ANO1: variants seen among roughly 807,000 people sequenced by gnomAD.
ANO1 encodes the protein anoctamin 1, also known as anoctamin-1.
ANO1 carries 59 observed loss-of-function variants against 124.0 expected under a neutral mutation model. That is an observed-to-expected ratio of 0.48 (90% CI 0.39 to 0.59). The LOEUF (loss-of-function observed/expected upper bound fraction) is 0.59, where lower values mean the gene tolerates loss of function less well. Ranked by LOEUF, ANO1 falls within the 20% of genes least tolerant of loss-of-function variation. The pLI is 0.00. For synonymous variants in ANO1, 529 were observed against 532.0 expected (o/e 0.99, Z 0.08); for missense variants, 1,059 against 1,328.0 (o/e 0.80, Z 3.15).
intron 10 of ANO1, among the ~76,000 whole-genome samples, chr11:70,127,603 G>A (rs189896537): frequency 1.3e-5 from 2 of 152,312 alleles, no homozygotes; most frequent in East Asian, 3.9e-4. Flanking sequence ...GGCTAAGGTT[G>A]GAGGATCCCT....
At chr11:70,009,272 T>C (rs1338858021) in intron 1 of ANO1, among the ~76,000 whole-genome samples, 1 of 151,972 alleles carries the variant, frequency 6.6e-6, no homozygotes, top group Non-Finnish European at 1.5e-5. Flanking sequence ...AGTCTACGAA[T>C]GTGGTTGTGT....
intron 1 of ANO1, among the ~76,000 whole-genome samples, chr11:70,044,005 C>A (rs543754702): frequency 1.3e-4 from 20 of 152,038 alleles, no homozygotes; most frequent in South Asian, 8.3e-4. Context: ...TATTATAGCA[C>A]TATGACATAC....
At chr11:70,045,651 T>C (rs956216798) in intron 1 of ANO1, among the ~76,000 whole-genome samples, 1 of 152,092 alleles carries the variant, frequency 6.6e-6, no homozygotes, top group African/African-American at 2.4e-5. Context: ...TTTTTTTTTT[T>C]CCGTATCATA....
At chr11:70,027,503 G>A (rs549940684) in intron 1 of ANO1, among the ~76,000 whole-genome samples, 3 of 152,210 alleles carry the variant, frequency 2.0e-5, no homozygotes, top group Non-Finnish European at 4.4e-5. Flanking sequence ...CGGAACTACC[G>A]CAAGCCAGGG....
At chr11:70,178,322 G>A (rs1482202743) in intron 22 of ANO1, among the ~76,000 whole-genome samples, 2 of 152,174 alleles carry the variant, frequency 1.3e-5, no homozygotes, top group African/African-American at 4.8e-5. Context: ...GCTTTATTCA[G>A]CATGGGGTGG....
At chr11:69,986,655 A>G (rs1435841694) in intron 1 of ANO1, among the ~76,000 whole-genome samples, 5 of 150,672 alleles carry the variant, frequency 3.3e-5, no homozygotes, top group Non-Finnish European at 1.5e-5. Flanking sequence ...ATGGAAACTG[A>G]GAGGAACTTA....
chr11:69,970,046 G>T, the ANO1 span, among the ~76,000 whole-genome samples: 1 of 152,194 alleles, frequency 6.6e-6, no homozygotes, highest in Non-Finnish European at 1.5e-5. Context: ...GGGGTTCCCC[G>T]GTGTGAGAGG....
intron 2 of ANO1, among the ~76,000 whole-genome samples, chr11:70,093,762 C>T (rs908597141): frequency 2.6e-5 from 4 of 152,246 alleles, no homozygotes; most frequent in African/African-American, 9.6e-5. Context: ...TTCATGGATG[C>T]TGCTTTTGAA....
chr11:69,977,160 G>A, the ANO1 span, among the ~76,000 whole-genome samples: 1 of 152,264 alleles, frequency 6.6e-6, no homozygotes, highest in South Asian at 2.1e-4. Context: ...AAAGAGGGGG[G>A]GACAGGTGTA....
chr11:70,161,213 T>C lies in ANO1; in HGVS notation c.1631T>C (p.Met544Thr), dbSNP rs751257134. 3.7e-5 allele frequency: 60 copies of C among 1,613,818 alleles called. No individual in the cohort carries two copies. The highest frequency in any genetic ancestry group is 2.2e-4 in the Admixed American group (13 of 60,006). ...GGCGTCATCATCTACAGAATCTCCA[T>C]GGCCGCCGCCTTGGCCATGAACTCC... Reference protein sequence around the residue: ...VLGVIIYRISMAAALAMNSSP... With the variant: ...VLGVIIYRISTAAALAMNSSP... The change falls in exon 17 of 26, where the codon ATG becomes ACG. Residue 544 changes from methionine (M) to threonine (T), a missense_variant. Coordinates refer to ENST00000355303, the MANE Select transcript of ANO1 (RefSeq NM_018043.7).
chr11:70,084,910 C>T (rs1162652277), intron 1 of ANO1, among the ~76,000 whole-genome samples: 2 of 152,190 alleles, frequency 1.3e-5, no homozygotes, highest in South Asian at 2.1e-4. Flanking sequence ...GCAGCTCACC[C>T]GTGGGAGCCT....
intron 13 of ANO1, 85 bp from the exon 14 acceptor site, chr11:70,152,972 G>A: frequency 8.2e-7 from 1 of 1,226,986 alleles, no homozygotes; most frequent in Non-Finnish European, 1.2e-6. Context: ...GCTAATACAT[G>A]GACTGATTTG....
intron 11 of ANO1, among the ~76,000 whole-genome samples, chr11:70,148,615 C>G (rs900245104): frequency 2.2e-4 from 33 of 152,350 alleles, no homozygotes; most frequent in African/African-American, 7.7e-4. Context: ...ACTCTGTGGC[C>G]TTCCTATTCC....
At chr11:70,154,408 A>G (rs1002217317) in intron 14 of ANO1, among the ~76,000 whole-genome samples, 2 of 151,142 alleles carry the variant, frequency 1.3e-5, no homozygotes, top group Non-Finnish European at 1.5e-5. Flanking sequence ...TTCAAATACA[A>G]TGAGAATCTG....
chr11:70,100,073 A>C (rs991582536), intron 2 of ANO1, among the ~76,000 whole-genome samples: 1 of 152,036 alleles, frequency 6.6e-6, no homozygotes, highest in Admixed American at 6.5e-5. Flanking sequence ...CACGCCGCAC[A>C]TTCTCCAGTC....
chr11:70,150,046 C>T, intron 12 of ANO1: 1 of 602,384 alleles, frequency 1.7e-6, no homozygotes. Flanking sequence ...CATGGACACC[C>T]AGCCACCAGC....
intron 1 of ANO1, among the ~76,000 whole-genome samples, chr11:70,049,296 T>G (rs1409022915): frequency 6.6e-6 from 1 of 152,208 alleles, no homozygotes; most frequent in East Asian, 1.9e-4. Flanking sequence ...GCTTTGCAGT[T>G]GACAGATCAG....
chr11:69,990,727 C>G (rs55796101), intron 1 of ANO1, among the ~76,000 whole-genome samples: 11,991 of 152,200 alleles, frequency 0.079, 651 homozygotes, highest in African/African-American at 0.15. Context: ...TTTTCACTGC[C>G]TAATCACTAT....
chr11:70,172,132 A>AAAAAAAG lies in ANO1; in HGVS notation c.2350+1097_2350+1098insAAGAAAA, dbSNP rs111814625. Among the ~76,000 whole-genome samples, 294 of 141,640 alleles carry AAAAAAAG rather than the reference A, an allele frequency of 2.1e-3. 2 individuals carry two copies. The highest frequency in any genetic ancestry group is 3.3e-3 in the Non-Finnish European group (219 of 65,580). 92.9% of individuals were successfully genotyped at this position (141,640 alleles called of 152,430 possible). A position where few individuals can be genotyped will look rare whatever the true frequency, so the allele number is the denominator to read the frequency against. ...GAGAACCTGTCTTAAAAAAAAAAAA[A>AAAAAAAG]AAAAGAAAAGAAAAGAAAAGAAAAA... On this transcript the variant is annotated intron_variant, in intron 22 of 25. Transcript: ENST00000355303.
Sources: gnomAD v4.1 joint callset for allele counts (sites outside exome capture counted in the v4.1 genomes callset) on GRCh38, gnomAD v4.1.1 for gene constraint, MANE v1.5 for transcripts, NCBI Gene and HGNC (gene_info 2026-07-23, HGNC 2026-07-21) for gene names.